Variants in GRIN2B observed in about 807,000 individuals in gnomAD.
GRIN2B encodes glutamate ionotropic receptor NMDA type subunit 2B.
A neutral mutation model predicts 114.5 loss-of-function variants in GRIN2B; 5 were observed. The observed-to-expected ratio is 0.04, with a 90% CI of 0.02 to 0.09. GRIN2B has a LOEUF of 0.09. GRIN2B is among the 10% of genes least tolerant of loss of function. GRIN2B has a pLI of 1.00. For missense variants in GRIN2B, 1,108 were observed against 1,943.5 expected, an observed-to-expected ratio of 0.57 and a Z score of 8.08; for synonymous variants, 787 against 745.1, an observed-to-expected ratio of 1.06 and a Z score of -0.92.
chr12:13,662,231 A>G (rs905690163), intron 5 of GRIN2B, among the ~76,000 whole-genome samples: 60 of 152,196 alleles, frequency 3.9e-4, no homozygotes, highest in African/African-American at 1.4e-3. Context: ...TCTAGCAGCG[A>G]GAAAAAAATG....
intron 3 of GRIN2B, among the ~76,000 whole-genome samples, chr12:13,846,053 C>T (rs1275534651): frequency 1.3e-5 from 2 of 152,168 alleles, no homozygotes; most frequent in East Asian, 3.8e-4. Context: ...GACATCATAC[C>T]AGAAACTTCT....
In GRIN2B at chr12:13,692,311, T is replaced by A. The variant is rs143827070; in HGVS notation, c.1011-16452A>T. On this transcript the variant is annotated intron_variant, in intron 4 of 13. Transcript: ENST00000609686. ...TGTCCATTGGTGAAATCTATCCCTG[T>A]AACACAGGGAGAATCCTATTAAAAG... 2.3e-3 allele frequency among the ~76,000 whole-genome samples: 351 copies of A among 152,244 alleles called. 2 individuals carry two copies. The highest frequency in any genetic ancestry group is 8.3e-3 in the African/African-American group (343 of 41,530).
At chr12:13,834,631 C>A (rs772584283) in intron 3 of GRIN2B, among the ~76,000 whole-genome samples, 1 of 152,124 alleles carries the variant, frequency 6.6e-6, no homozygotes, top group African/African-American at 2.4e-5. Flanking sequence ...GCTCTCCCTT[C>A]GGCCCTTTCA....
At chr12:13,614,016 CAA>C (rs77527098) in intron 8 of GRIN2B, among the ~76,000 whole-genome samples, 2,690 of 92,746 alleles carry the variant, frequency 0.029, 32 homozygotes, top group African/African-American at 0.091. Context: ...CCTTGCACAG[CAA>C]AAAAAAAAAA....
intron 2 of GRIN2B, among the ~76,000 whole-genome samples, chr12:13,903,531 T>C (rs543117484): frequency 6.6e-6 from 1 of 152,266 alleles, no homozygotes; most frequent in African/African-American, 2.4e-5. Context: ...GTCCTTTTGC[T>C]TTTTACTTAT....
intron 10 of GRIN2B, among the ~76,000 whole-genome samples, chr12:13,606,920 A>AT (rs989354023): frequency 1.3e-4 from 19 of 150,948 alleles, no homozygotes; most frequent in Admixed American, 8.0e-4. Flanking sequence ...AAGAGAGAGA[A>AT]TTTTTTTTTA....
intron 4 of GRIN2B, among the ~76,000 whole-genome samples, chr12:13,687,225 T>G (rs1591676363): frequency 6.6e-6 from 1 of 152,184 alleles, no homozygotes; most frequent in East Asian, 1.9e-4. Flanking sequence ...AAAAATAAAA[T>G]CAGTAGCCTT....
chr12:13,742,967 G>A (rs1863311674), intron 4 of GRIN2B, among the ~76,000 whole-genome samples: 2 of 152,138 alleles, frequency 1.3e-5, no homozygotes, highest in Admixed American at 1.3e-4. Flanking sequence ...CTTAGGCATG[G>A]GGATGAAGGA....
intron 5 of GRIN2B, among the ~76,000 whole-genome samples, chr12:13,637,570 C>T (rs1445164401): frequency 6.6e-6 from 1 of 152,058 alleles, no homozygotes; most frequent in Non-Finnish European, 1.5e-5. Context: ...ACAGTTTGCA[C>T]TTGCAGCAAA....
chr12:13,731,891 A>G (rs907107299), intron 4 of GRIN2B, among the ~76,000 whole-genome samples: 1 of 152,186 alleles, frequency 6.6e-6, no homozygotes, highest in East Asian at 1.9e-4. Flanking sequence ...TAACCATTTC[A>G]TCAAGTGTTT....
rs1389092592 is a variant in GRIN2B at position 13,845,575 on chromosome 12, A to G, written c.411+20223T>C. On this transcript the variant is annotated intron_variant, in intron 3 of 13. Transcript: ENST00000609686. ...GAAAAGTAGGCCAGCTCCAGGAGAG[A>G]ATTGAGATGTGGCCTCAGGCAAGTC... 2.0e-5 allele frequency among the ~76,000 whole-genome samples: 3 copies of G among 152,288 alleles called. No individual in the cohort carries two copies. The South Asian group carries it at 6.2e-4, about 32-fold the overall frequency.
intron 2 of GRIN2B, among the ~76,000 whole-genome samples, chr12:13,969,078 G>A (rs1358076326): frequency 1.3e-5 from 2 of 152,248 alleles, no homozygotes; most frequent in Non-Finnish European, 2.9e-5. Flanking sequence ...TTAGCCATAT[G>A]TGAAATGAAT....
intron 4 of GRIN2B, among the ~76,000 whole-genome samples, chr12:13,686,667 C>T (rs1215243085): frequency 6.6e-6 from 1 of 152,108 alleles, no homozygotes. Context: ...TAATTGGCGC[C>T]TGATGACCCT....
intron 4 of GRIN2B, among the ~76,000 whole-genome samples, chr12:13,738,387 A>T (rs1008335776): frequency 6.6e-6 from 1 of 152,234 alleles, no homozygotes; most frequent in African/African-American, 2.4e-5. Context: ...TTTATAATCT[A>T]TGTACAGAGG....
At position 13,562,952 on chromosome 12, in the gene GRIN2B, G is replaced by A. The variant is rs1261054497; in HGVS notation, c.4286C>T (p.Pro1429Leu). 3 of 1,614,042 alleles carry A rather than the reference G, an allele frequency of 1.9e-6. No individual in the cohort carries two copies. Among genetic ancestry groups the A allele is most frequent in the Non-Finnish European group, 2.5e-6 (3 of 1,180,012 alleles). Residue 1429 changes from proline (P) to leucine (L), a missense_variant, in exon 14 of 14, where the codon CCG becomes CTG. Coordinates refer to ENST00000609686, the MANE Select transcript of GRIN2B (RefSeq NM_000834.5). The part of the protein sequence containing the change: ...PDFRALVTNK[P>L]VVSALHGAVP... ...GGCCCCATGAAGGGCCGAGACCACC[G>A]GCTTGTTGGTGACAAGGGCCCGGAA...
chr12:13,771,788 TTACGTTGTTAAATTAACC>T lies in GRIN2B; in HGVS notation c.412-17891_412-17874del, dbSNP rs1292596398. ...CATTTCATATTGGTTTACAAACTGGTTACGTTGTTAAATTAACCATCACTTTCATTGTCCTCATCATCT... is the reference window on the plus strand; with the variant it reads ...CATTTCATATTGGTTTACAAACTGGTATCACTTTCATTGTCCTCATCATCT... On this transcript the variant is annotated intron_variant, in intron 3 of 13. Transcript: ENST00000609686. Among the ~76,000 whole-genome samples, 8 of 152,374 alleles carry T rather than the reference TTACGTTGTTAAATTAACC, an allele frequency of 5.3e-5. 1 individual carries two copies. The highest frequency in any genetic ancestry group is 1.9e-4 in the African/African-American group (8 of 41,590).
At chr12:13,870,672 G>A (rs550779906) in intron 2 of GRIN2B, among the ~76,000 whole-genome samples, 5 of 151,962 alleles carry the variant, frequency 3.3e-5, no homozygotes, top group African/African-American at 1.2e-4. Context: ...CCTTAATGCA[G>A]TCAGGACATT....
At chr12:13,782,005 C>T (rs1864124392) in intron 3 of GRIN2B, among the ~76,000 whole-genome samples, 1 of 152,188 alleles carries the variant, frequency 6.6e-6, no homozygotes, top group Non-Finnish European at 1.5e-5. Context: ...ATAGCCCCAT[C>T]ACAGAGTATG....
At chr12:13,870,885 G>A in intron 2 of GRIN2B, among the ~76,000 whole-genome samples, 1 of 152,116 alleles carries the variant, frequency 6.6e-6, no homozygotes, top group Non-Finnish European at 1.5e-5. Context: ...GTCAAGAAGA[G>A]TATAAACGAG....
Sources: gnomAD v4.1 joint callset for allele counts (sites outside exome capture counted in the v4.1 genomes callset) on GRCh38, gnomAD v4.1.1 for gene constraint, MANE v1.5 for transcripts, NCBI Gene and HGNC (gene_info 2026-07-23, HGNC 2026-07-21) for gene names.